Variants in CHST8 observed in about 807,000 individuals in gnomAD.
CHST8 encodes the protein carbohydrate sulfotransferase 8.
Under a neutral mutation model 15.0 loss-of-function variants are expected in CHST8, and 10 were observed. The observed-to-expected ratio is 0.67, with a 90% CI of 0.41 to 1.13. The LOEUF (loss-of-function observed/expected upper bound fraction) is 1.13. Among genes scored for constraint, CHST8 ranks in the 50% most tolerant of loss-of-function variants. The probability of loss-of-function intolerance (pLI) is 0.00; values close to 1 mark genes in which losing one functional copy is unlikely to be tolerated. For synonymous variants in CHST8, 259 were observed against 256.6 expected (o/e 1.01, Z -0.09); for missense variants, 634 against 608.2 (o/e 1.04, Z -0.45).
At chr19:33,677,353 G>A (rs1326048423) in intron 2 of CHST8, among the ~76,000 whole-genome samples, 1 of 152,234 alleles carries the variant, frequency 6.6e-6, no homozygotes, top group Non-Finnish European at 1.5e-5. Context: ...GTTGAGCGAT[G>A]AGGGCATGTG....
chr19:33,678,049 C>T (rs1185224477), intron 2 of CHST8, among the ~76,000 whole-genome samples: 1 of 152,088 alleles, frequency 6.6e-6, no homozygotes, highest in Non-Finnish European at 1.5e-5. Flanking sequence ...AGACAGGACA[C>T]ATGTTCAGAA....
intron 1 of CHST8, among the ~76,000 whole-genome samples, chr19:33,658,022 C>T (rs1442671449): frequency 6.6e-6 from 1 of 152,128 alleles, no homozygotes; most frequent in Non-Finnish European, 1.5e-5. Context: ...TTTTTCCCAC[C>T]TTAATACAAA....
intron 3 of CHST8, among the ~76,000 whole-genome samples, chr19:33,728,279 G>A (rs1294887456): frequency 6.6e-6 from 1 of 152,258 alleles, no homozygotes; most frequent in Non-Finnish European, 1.5e-5. Flanking sequence ...TCTGGCCTGG[G>A]TGAGTGGTGA....
At chr19:33,666,300 T>G (rs1182800524) in intron 1 of CHST8, among the ~76,000 whole-genome samples, 1 of 152,188 alleles carries the variant, frequency 6.6e-6, no homozygotes, top group Non-Finnish European at 1.5e-5. Context: ...TGTGTGTGTG[T>G]GTGTGGACCC....
chr19:33,714,995 C>T (rs557361502), intron 3 of CHST8, among the ~76,000 whole-genome samples: 1 of 152,214 alleles, frequency 6.6e-6, no homozygotes, highest in Non-Finnish European at 1.5e-5. Context: ...CCTCCCTCCA[C>T]AGGCTCTGTC....
intron 4 of CHST8, 138 bp downstream of exon 4, chr19:33,771,588 G>T: frequency 1.1e-6 from 1 of 894,054 alleles, no homozygotes; most frequent in South Asian, 1.5e-5. Context: ...GGAGCCTTGG[G>T]AACAAAGCCC....
intron 3 of CHST8, among the ~76,000 whole-genome samples, chr19:33,704,527 A>C (rs989680717): frequency 5.9e-5 from 9 of 152,278 alleles, no homozygotes; most frequent in African/African-American, 2.2e-4. Flanking sequence ...GGGGCCACCG[A>C]TGCTCCACTC....
chr19:33,768,431 A>G (rs1974897164), intron 3 of CHST8, among the ~76,000 whole-genome samples: 2 of 152,030 alleles, frequency 1.3e-5, no homozygotes. Flanking sequence ...AAATAAATGT[A>G]AATTTTTTTT....
chr19:33,663,363 G>T (rs953210332), intron 1 of CHST8, among the ~76,000 whole-genome samples: 10 of 152,030 alleles, frequency 6.6e-5, no homozygotes, highest in Admixed American at 6.6e-4. Flanking sequence ...CCAGGAATTC[G>T]AAATGAGCCC....
intron 1 of CHST8, among the ~76,000 whole-genome samples, chr19:33,623,442 G>C (rs1972012246): frequency 6.6e-6 from 1 of 152,348 alleles, no homozygotes; most frequent in South Asian, 2.1e-4. Flanking sequence ...GCACGTGGGA[G>C]AGGCGTTGGG....
chr19:33,666,690 A>G (rs1432753486), intron 1 of CHST8, among the ~76,000 whole-genome samples: 1 of 151,904 alleles, frequency 6.6e-6, no homozygotes, highest in Non-Finnish European at 1.5e-5. Flanking sequence ...GTTAAGTGGT[A>G]TTTTTCTTTT....
chr19:33,708,269 G>A (rs899604333), intron 3 of CHST8, among the ~76,000 whole-genome samples: 1 of 152,124 alleles, frequency 6.6e-6, no homozygotes, highest in Non-Finnish European at 1.5e-5. Flanking sequence ...TTTCGTTGAT[G>A]GATTATGCTT....
intron 1 of CHST8, among the ~76,000 whole-genome samples, chr19:33,635,063 G>A (rs938086404): frequency 1.3e-5 from 2 of 152,126 alleles, no homozygotes; most frequent in Non-Finnish European, 2.9e-5. Flanking sequence ...GTGTTATTGG[G>A]TCCCTCTGGA....
chr19:33,719,696 C>T (rs1461455005), intron 3 of CHST8, among the ~76,000 whole-genome samples: 1 of 150,374 alleles, frequency 6.7e-6, no homozygotes, highest in African/African-American at 2.5e-5. Flanking sequence ...GGGAGCTTCA[C>T]AGGGTCCTAA....
chr19:33,744,565 A>ATT, intron 3 of CHST8: 2 of 149,726 alleles, frequency 1.3e-5, no homozygotes, highest in African/African-American at 4.9e-5. Flanking sequence ...TCTCCCCTTC[A>ATT]TTTTTTTTTC....
At chr19:33,636,929 A>G (rs993767536) in intron 1 of CHST8, among the ~76,000 whole-genome samples, 4 of 152,300 alleles carry the variant, frequency 2.6e-5, no homozygotes, top group African/African-American at 9.6e-5. Flanking sequence ...AAGGAATAAA[A>G]GAATGGCTAC....
At chr19:33,763,677 T>C (rs1393413752) in intron 3 of CHST8, among the ~76,000 whole-genome samples, 1 of 152,260 alleles carries the variant, frequency 6.6e-6, no homozygotes, top group Non-Finnish European at 1.5e-5. Flanking sequence ...CCGGGCGTTC[T>C]GTGCCCAGGA....
At chr19:33,758,643 G>A (rs1177897495) in intron 3 of CHST8, among the ~76,000 whole-genome samples, 1 of 152,206 alleles carries the variant, frequency 6.6e-6, no homozygotes, top group Non-Finnish European at 1.5e-5. Context: ...TCTTGCAGCT[G>A]GGCCACAGTG....
chr19:33,722,409 A>G (rs1373689298), intron 3 of CHST8, among the ~76,000 whole-genome samples: 1 of 152,138 alleles, frequency 6.6e-6, no homozygotes, highest in East Asian at 1.9e-4. Flanking sequence ...AAAGAAGGAA[A>G]TACATGAGGG....
Sources: allele counts gnomAD v4.1 joint callset (sites outside exome capture counted in the v4.1 genomes callset), GRCh38; gene constraint gnomAD v4.1.1; transcripts MANE v1.5; gene names NCBI Gene and HGNC (gene_info 2026-07-23, HGNC 2026-07-21).